Variants in POFUT2 observed in about 807,000 individuals in gnomAD.
POFUT2 encodes GDP-fucose protein O-fucosyltransferase 2.
A neutral mutation model predicts 55.0 loss-of-function variants in POFUT2; 30 were observed. That is an observed-to-expected ratio of 0.55 (90% CI 0.41 to 0.74). The LOEUF (loss-of-function observed/expected upper bound fraction) is 0.74. Among genes scored for constraint, POFUT2 ranks in the 30% least tolerant of loss-of-function variants. The pLI is 0.00. For synonymous variants in POFUT2, 267 were observed against 231.1 expected (o/e 1.16, Z -1.41); for missense variants, 524 against 562.6 (o/e 0.93, Z 0.69).
chr21:45,283,415 G>A lies in POFUT2; in HGVS notation c.495C>T (p.Leu165=). 1 of 1,613,300 alleles carries A rather than the reference G, an allele frequency of 6.2e-7. No individual in the cohort carries two copies. Among genetic ancestry groups the A allele is most frequent in the Non-Finnish European group, 8.5e-7 (1 of 1,179,814 alleles). ...KVDERPCIDQ[L]LYSQDKHEYY... ...ACTCGTGCTTGTCCTGGGAGTACAG[G>A]AGCTGATCAATACACGGCCGCTCGT... The change falls in exon 3 of 9, where the codon CTC becomes CTT. Residue 165 remains leucine (L), a synonymous_variant. Coordinates refer to ENST00000349485, the MANE Select transcript of POFUT2 (RefSeq NM_133635.6).
At position 45,277,712 on chromosome 21, in the gene POFUT2, C is replaced by A; in HGVS notation, c.705+391G>T. 1 of 240,706 alleles carries A rather than the reference C, an allele frequency of 4.2e-6. No homozygotes were observed. Among genetic ancestry groups the A allele is most frequent in the Non-Finnish European group, 8.2e-6 (1 of 122,168 alleles). 14.9% of individuals were successfully genotyped at this position (240,706 alleles called of 1,614,324 possible). On this transcript the variant is annotated intron_variant, in intron 5 of 8. Coordinates refer to ENST00000349485, the MANE Select transcript of POFUT2 (RefSeq NM_133635.6). The surrounding 1 kb of genome is among the most constrained non-coding windows in gnomAD (Gnocchi z 6.9). ...GGGTGGCTATGGGAAGTCACCCCAT[C>A]AATGCGGAAATCAACGCCAACGGAA...
intron 1 of POFUT2, among the ~76,000 whole-genome samples, chr21:45,286,808 G>C (rs2031461210): frequency 6.6e-6 from 1 of 152,120 alleles, no homozygotes; most frequent in Admixed American, 6.5e-5. Flanking sequence ...CAGCGCCCAG[G>C]CCTGCGAACG....
chr21:45,287,651 C>T, intron 1 of POFUT2, 90 bp downstream of exon 1: 1 of 1,138,760 alleles, frequency 8.8e-7, no homozygotes. Flanking sequence ...TCCCATCTCC[C>T]TGGCCCCTGA....
At chr21:45,266,004 TGA>T (rs2093150434) in intron 8 of POFUT2, 1 of 1,208,236 alleles carries the variant, frequency 8.3e-7, no homozygotes, top group Non-Finnish European at 1.1e-6. Flanking sequence ...TGGTGAACAA[TGA>T]GAGATTCCTA....
At chr21:45,268,316 G>A (rs1025162478) in intron 7 of POFUT2, among the ~76,000 whole-genome samples, 39 of 152,302 alleles carry the variant, frequency 2.6e-4, no homozygotes, top group African/African-American at 7.2e-4. Context: ...GTGCAGTGGC[G>A]TGATCTCGGC....
At chr21:45,268,880 G>C (rs76010831) in intron 7 of POFUT2, among the ~76,000 whole-genome samples, 87,665 of 94,816 alleles carry the variant, frequency 0.92, 40,351 homozygotes, top group Admixed American at 0.93. Context: ...AGCACCCCGG[G>C]CGGCCAGCCG....
chr21:45,268,539 A>G (rs1321383089), intron 7 of POFUT2, among the ~76,000 whole-genome samples: 2 of 149,932 alleles, frequency 1.3e-5, no homozygotes, highest in Admixed American at 6.6e-5. Flanking sequence ...GGAAGTGAGG[A>G]GCACCTCTTT....
intron 1 of POFUT2, among the ~76,000 whole-genome samples, chr21:45,286,398 TA>T (rs1386851388): frequency 6.6e-6 from 1 of 152,238 alleles, no homozygotes; most frequent in African/African-American, 2.4e-5. Context: ...AAGTGTATTT[TA>T]AAAAATGAAT....
At chr21:45,286,509 A>T (rs1160204017) in intron 1 of POFUT2, among the ~76,000 whole-genome samples, 1 of 152,260 alleles carries the variant, frequency 6.6e-6, no homozygotes, top group Non-Finnish European at 1.5e-5. Flanking sequence ...CTGTTGTGAC[A>T]TCACAGATCA....
Position 45,277,336 on chromosome 21 carries a change from C to A in POFUT2, c.706-194G>T. 5 of 708,844 alleles carry A rather than the reference C, an allele frequency of 7.1e-6. No individual in the cohort carries two copies. The South Asian group carries it at 9.5e-5, about 13-fold the overall frequency. 43.9% of individuals were successfully genotyped at this position (708,844 alleles called of 1,614,324 possible). The stretch of plus-strand genomic sequence containing the variant: ...TGGAGGGTCTCCTGCATGAAGCCAA[C>A]GCAGGGCAAGCCGCCCACCCCTGCC... On this transcript the variant is annotated intron_variant, in intron 5 of 8. Coordinates refer to ENST00000349485, the MANE Select transcript of POFUT2 (RefSeq NM_133635.6). The surrounding 1 kb of genome is among the most constrained non-coding windows in gnomAD (Gnocchi z 6.9).
chr21:45,279,379 A>G (rs2030291057), intron 4 of POFUT2, among the ~76,000 whole-genome samples: 1 of 152,230 alleles, frequency 6.6e-6, no homozygotes, highest in South Asian at 2.1e-4. Context: ...TGGGCAACAG[A>G]GCAAGACTCA....
Position 45,267,641 on chromosome 21 carries a change from T to C in POFUT2, c.1085A>G (p.Tyr362Cys). The C allele has an allele frequency of 6.2e-7, 1 of 1,614,218 alleles. No individual in the cohort carries two copies. Among genetic ancestry groups the C allele is most frequent in the South Asian group, 1.1e-5 (1 of 91,088 alleles). Residue 362 changes from tyrosine to cysteine, a missense_variant, in exon 8 of 9, where the codon TAC becomes TGC. This residue lies in a region of POFUT2 where 250 missense variants were observed against 318.2 expected (regional missense o/e 0.79). Coordinates refer to ENST00000349485, the MANE Select transcript of POFUT2 (RefSeq NM_133635.6). This position sits in a 1 kb window ranked among gnomAD's most constrained non-coding sequence, Gnocchi z 4.4. ...AATAATCGCAACGCCTCCGTCCTTG[T>C]AGAGCTCCAGCTCCTCCCACGTGGG... ...FEPTWEELEL[Y>C]KDGGVAIIDQ...
chr21:45,266,556 C>T (rs759877889), intron 8 of POFUT2: 1 of 1,076,574 alleles, frequency 9.3e-7, no homozygotes, highest in Non-Finnish European at 1.1e-6. Context: ...ATCCCAAGGC[C>T]ACACCTGAGA....
rs1192382829 is a variant in POFUT2, at chr21:45,264,509, C to T, written c.*973G>A. On this transcript the variant is annotated 3_prime_UTR_variant, in exon 9 of 9. Transcript: ENST00000349485. ...AAAAATGATTTCTGTAAAATGGGTA[C>T]AAGGAGCTCCCTGATAAAGCAGCTC... The T allele has an allele frequency of 2.0e-5, 3 of 152,258 alleles. No individual in the cohort carries two copies. The highest frequency in any genetic ancestry group is 7.2e-5 in the African/African-American group (3 of 41,440). The allele number at this position is 152,258 out of a possible 1,614,324, so 9.4% of individuals were successfully genotyped here. A position where few individuals can be genotyped will look rare whatever the true frequency, so the allele number is the denominator to read the frequency against.
intron 4 of POFUT2, among the ~76,000 whole-genome samples, chr21:45,280,136 C>A (rs1231471317): frequency 1.3e-5 from 2 of 152,162 alleles, no homozygotes; most frequent in Non-Finnish European, 2.9e-5. Context: ...CGGTGCAGCC[C>A]CCACCCGGGT....
intron 4 of POFUT2, among the ~76,000 whole-genome samples, chr21:45,280,717 C>T (rs759322529): frequency 1.4e-5 from 2 of 143,550 alleles, no homozygotes; most frequent in Non-Finnish European, 3.1e-5. Context: ...GCACGGATCC[C>T]GTCTTGGACT....
At chr21:45,266,994 G>A (rs151265728) in intron 8 of POFUT2, 1,117 of 1,037,870 alleles carry the variant, frequency 1.1e-3, no homozygotes, top group East Asian at 7.1e-3. Flanking sequence ...ATGACTGCAC[G>A]CAGGGCCCAC....
chr21:45,278,083 G>A lies in POFUT2; in HGVS notation c.705+20C>T, dbSNP rs769075077. On this transcript the variant is annotated intron_variant, in intron 5 of 8. Coordinates refer to ENST00000349485, the MANE Select transcript of POFUT2 (RefSeq NM_133635.6). ...GCAACATACACTAACTGAGAAAAAC[G>A]CTCCCGAGGAAACACTCACATCCCA... 15 of 1,600,486 alleles carry A rather than the reference G, an allele frequency of 9.4e-6. No individual in the cohort carries two copies. The highest frequency in any genetic ancestry group is 8.0e-5 in the African/African-American group (6 of 74,676).
Position 45,265,900 on chromosome 21 carries a change from G to A in POFUT2, c.1137-265C>T, listed in dbSNP as rs896781618. The A allele has an allele frequency of 7.5e-7, 1 of 1,325,696 alleles. No homozygotes were observed. The highest frequency in any genetic ancestry group is 9.7e-7 in the Non-Finnish European group (1 of 1,029,358). 82.1% of individuals were successfully genotyped at this position (1,325,696 alleles called of 1,614,324 possible). On this transcript the variant is annotated intron_variant, in intron 8 of 8. Transcript: ENST00000349485. The surrounding 1 kb of genome is among the most constrained non-coding windows in gnomAD (Gnocchi z 4.6). ...CACAGTCAGCAGCCGCCACGCTCCT[G>A]TCCCACCGCATGTCCCCCTGGGAGC...
Sources: gnomAD v4.1 joint callset for allele counts (sites outside exome capture counted in the v4.1 genomes callset) on GRCh38, gnomAD v4.1.1 for gene constraint, gnomAD v4.1.1 regional missense constraint, Gnocchi (gnomAD v3.1) non-coding constraint, MANE v1.5 for transcripts, NCBI Gene and HGNC (gene_info 2026-07-23, HGNC 2026-07-21) for gene names.